The following NIBAN1 variants were observed in gnomAD, a reference collection of about 807,000 sequenced individuals.
NIBAN1 encodes niban apoptosis regulator 1.
A neutral mutation model predicts 75.1 loss-of-function variants in NIBAN1; 81 were observed. That is an observed-to-expected ratio of 1.08 (90% CI 0.90 to 1.30). The LOEUF (loss-of-function observed/expected upper bound fraction) is 1.30, where lower values mean the gene tolerates loss of function less well. Ranked by LOEUF, NIBAN1 falls within the 50% of genes most tolerant of loss-of-function variation. NIBAN1 has a pLI of 0.00. For synonymous variants in NIBAN1, 436 were observed against 424.8 expected (o/e 1.03, Z -0.32); for missense variants, 1,133 against 1,128.1 (o/e 1.00, Z -0.06).
At chr1:184,838,952 G>A (rs983224226) in intron 5 of NIBAN1, among the ~76,000 whole-genome samples, 3 of 152,208 alleles carry the variant, frequency 2.0e-5, no homozygotes, top group Admixed American at 1.3e-4. Context: ...CTTCTAAACT[G>A]TCTTTTGCTT....
chr1:184,961,595 A>G (rs1571608037), intron 1 of NIBAN1, among the ~76,000 whole-genome samples: 1 of 152,112 alleles, frequency 6.6e-6, no homozygotes. Flanking sequence ...GCTAAACTGA[A>G]CCTGATTCTG....
chr1:184,867,306 GA>G (rs933565033), intron 5 of NIBAN1, among the ~76,000 whole-genome samples: 1 of 152,044 alleles, frequency 6.6e-6, no homozygotes, highest in Non-Finnish European at 1.5e-5. Context: ...ATTGTGCCAG[GA>G]AAAATATCTC....
chr1:184,937,149 T>C (rs970340572), intron 1 of NIBAN1, among the ~76,000 whole-genome samples: 2 of 146,682 alleles, frequency 1.4e-5, no homozygotes, highest in Non-Finnish European at 3.0e-5. Flanking sequence ...TGGATTCTTT[T>C]TTTTTTTTTT....
At chr1:184,913,118 T>G (rs1437075845) in intron 1 of NIBAN1, among the ~76,000 whole-genome samples, 1 of 106,078 alleles carries the variant, frequency 9.4e-6, no homozygotes, top group Non-Finnish European at 1.9e-5. Flanking sequence ...GTTTTATATA[T>G]GCCTTGCATA....
intron 5 of NIBAN1, among the ~76,000 whole-genome samples, chr1:184,867,116 G>A (rs1442175123): frequency 1.3e-5 from 2 of 151,646 alleles, no homozygotes; most frequent in African/African-American, 2.4e-5. Context: ...GGAAGCTGAG[G>A]TATAGCCCCC....
chr1:184,851,505 G>A (rs1655534551), intron 5 of NIBAN1, among the ~76,000 whole-genome samples: 1 of 62,006 alleles, frequency 1.6e-5, no homozygotes, highest in South Asian at 5.0e-4. Flanking sequence ...GGGAGGGATA[G>A]CATTGGAGAT....
At chr1:184,881,631 C>T (rs886230791) in intron 5 of NIBAN1, among the ~76,000 whole-genome samples, 1 of 152,154 alleles carries the variant, frequency 6.6e-6, no homozygotes, top group Non-Finnish European at 1.5e-5. Context: ...GACAGAGCAG[C>T]CCAGAGGGCT....
intron 1 of NIBAN1, among the ~76,000 whole-genome samples, chr1:184,950,271 C>T (rs983653696): frequency 6.6e-6 from 1 of 152,134 alleles, no homozygotes; most frequent in Non-Finnish European, 1.5e-5. Flanking sequence ...TGAGAAGGTG[C>T]ACGACTTTTT....
At chr1:184,867,795 A>C in intron 5 of NIBAN1, 1 of 921,996 alleles carries the variant, frequency 1.1e-6, no homozygotes, top group Non-Finnish European at 1.3e-6. Context: ...TTTATAAGCA[A>C]TGACTGTGTT....
At chr1:184,929,322 A>G (rs1188067193) in intron 1 of NIBAN1, among the ~76,000 whole-genome samples, 1 of 152,242 alleles carries the variant, frequency 6.6e-6, no homozygotes, top group Non-Finnish European at 1.5e-5. Flanking sequence ...ACTACCACAC[A>G]ATCATGAAAT....
At chr1:184,931,925 C>T (rs1270251270) in intron 1 of NIBAN1, among the ~76,000 whole-genome samples, 3 of 152,190 alleles carry the variant, frequency 2.0e-5, no homozygotes, top group East Asian at 3.8e-4. Flanking sequence ...ATACTATAGT[C>T]AAGTTTGTCT....
Position 184,795,167 on chromosome 1 carries a change from C to A in NIBAN1, c.2597G>T (p.Gly866Val), listed in dbSNP as rs772422183. The change falls in exon 14 of 14, where the codon GGA becomes GTA. Residue 866 changes from glycine to valine, a missense_variant. By Grantham distance (109) the Gly-to-Val change is moderately radical. Transcript: ENST00000367511. ...SQVSEEQEEMGGQSSAAQATA... is the reference protein window; with the variant it reads ...SQVSEEQEEMVGQSSAAQATA... ...GGCCTGGGCCGCGCTGCTTTGCCCTCCCATCTCTTCTTGTTCCTCAGAAAC... is the reference window on the plus strand; with the variant it reads ...GGCCTGGGCCGCGCTGCTTTGCCCTACCATCTCTTCTTGTTCCTCAGAAAC... 6.2e-7 allele frequency: 1 copy of A among 1,614,212 alleles called. No individual in the cohort carries two copies. The highest frequency in any genetic ancestry group is 1.1e-5 in the South Asian group (1 of 91,088).
chr1:184,842,719 C>CG (rs1463519037), intron 5 of NIBAN1, among the ~76,000 whole-genome samples: 33 of 148,622 alleles, frequency 2.2e-4, no homozygotes, highest in African/African-American at 7.7e-4. Flanking sequence ...TGCCTTTGCA[C>CG]GATCGTGCCA....
At chr1:184,797,287 A>G (rs1487832751) in intron 13 of NIBAN1, among the ~76,000 whole-genome samples, 2 of 151,778 alleles carry the variant, frequency 1.3e-5, no homozygotes, top group Non-Finnish European at 2.9e-5. Flanking sequence ...TTACAGGTGT[A>G]CACCACCATG....
At chr1:184,827,949 T>TTGTG (rs1654887737) in intron 6 of NIBAN1, among the ~76,000 whole-genome samples, 1 of 148,882 alleles carries the variant, frequency 6.7e-6, no homozygotes, top group Non-Finnish European at 1.5e-5. Context: ...ATGCGGGTAG[T>TTGTG]TTTGTTTTTT....
chr1:184,913,809 A>C (rs913117475), intron 1 of NIBAN1, among the ~76,000 whole-genome samples: 19 of 152,206 alleles, frequency 1.2e-4, no homozygotes, highest in Admixed American at 2.0e-4. Context: ...AAACATTTTA[A>C]AAGTAGATGC....
chr1:184,901,204 C>T (rs893953795), intron 1 of NIBAN1, among the ~76,000 whole-genome samples: 1 of 152,130 alleles, frequency 6.6e-6, no homozygotes, highest in Non-Finnish European at 1.5e-5. Context: ...TTCATATTCA[C>T]TTCATAACAT....
chr1:184,949,987 C>T (rs1658321869), intron 1 of NIBAN1, among the ~76,000 whole-genome samples: 1 of 151,932 alleles, frequency 6.6e-6, no homozygotes, highest in Non-Finnish European at 1.5e-5. Context: ...TGAATGGATG[C>T]CAAGAATGAA....
In NIBAN1 at chr1:184,874,144, T is replaced by C. The variant is rs116977056; in HGVS notation, c.601+10489A>G. On this transcript the variant is annotated intron_variant, in intron 5 of 13. Coordinates refer to ENST00000367511, the MANE Select transcript of NIBAN1 (RefSeq NM_052966.4). Reference sequence around the variant, plus strand: ...AGGATACCCACTAACAAAATAAAAATAGAATATACGAAATAAAAATAGAAT... The same window carrying C: ...AGGATACCCACTAACAAAATAAAAACAGAATATACGAAATAAAAATAGAAT... Among the ~76,000 whole-genome samples, 515 of 151,970 alleles carry C rather than the reference T, an allele frequency of 3.4e-3. 8 individuals carry two copies. In the East Asian group the frequency reaches 0.038, roughly 11 times the overall value.
Sources: gnomAD v4.1 joint callset for allele counts (sites outside exome capture counted in the v4.1 genomes callset) on GRCh38, gnomAD v4.1.1 for gene constraint, MANE v1.5 for transcripts, NCBI Gene and HGNC (gene_info 2026-07-23, HGNC 2026-07-21) for gene names.